Variants in ANKAR observed in about 807,000 individuals in gnomAD.
The protein encoded by ANKAR is ankyrin and armadillo repeat containing.
A neutral mutation model predicts 146.2 loss-of-function variants in ANKAR; 136 were observed. That is an observed-to-expected ratio of 0.93 (90% CI 0.81 to 1.07). ANKAR has a LOEUF of 1.07. Among genes scored for constraint, ANKAR ranks in the 50% least tolerant of loss-of-function variants. The probability of loss-of-function intolerance (pLI) is 0.00; values close to 1 mark genes in which losing one functional copy is unlikely to be tolerated. For missense variants in ANKAR, 1,567 were observed against 1,679.9 expected, an observed-to-expected ratio of 0.93 and a Z score of 1.18; for synonymous variants, 500 against 575.8, an observed-to-expected ratio of 0.87 and a Z score of 1.88.
intron 20 of ANKAR, among the ~76,000 whole-genome samples, chr2:189,742,189 AG>A (rs1295637342): frequency 6.6e-6 from 1 of 152,166 alleles, no homozygotes; most frequent in African/African-American, 2.4e-5. Flanking sequence ...CCATTCCTAG[AG>A]TTTCTGAGCC....
chr2:189,678,775 T>C (rs1490438785), intron 2 of ANKAR, among the ~76,000 whole-genome samples: 4 of 152,228 alleles, frequency 2.6e-5, no homozygotes, highest in Non-Finnish European at 4.4e-5. Flanking sequence ...TTCTGTTCCA[T>C]TGGTCTCTGT....
In ANKAR at chr2:189,728,820, T is replaced by C; in HGVS notation, c.3192T>C (p.Ile1064=). Residue 1064 remains isoleucine (I), a splice_region_variant and synonymous_variant, in exon 15 of 23, where the codon ATT becomes ATC. Transcript: ENST00000684021. ...SVIRAVGSIC[I]GVAHTSNPVS... ...TCAGAGCAGTGGGATCCATTTGTAT[T>C]GGTTTGTATACTTATTCTCAATTTC... is the stretch of plus-strand genomic sequence containing the variant. 1 of 1,611,822 alleles carries C rather than the reference T, an allele frequency of 6.2e-7. No homozygotes were observed. Among genetic ancestry groups the C allele is most frequent in the Non-Finnish European group, 8.5e-7 (1 of 1,178,790 alleles).
At position 189,724,304 on chromosome 2, in the gene ANKAR, A is replaced by C. The variant is rs74452848; in HGVS notation, c.2635+3517A>C. Among the ~76,000 whole-genome samples, 401 of 152,294 alleles carry C rather than the reference A, an allele frequency of 2.6e-3. 1 individual carries two copies. Among genetic ancestry groups the C allele is most frequent in the African/African-American group, 9.1e-3 (378 of 41,580 alleles). ...ATCTAACTAAAATGTAAAGTTGATC[A>C]TATCTTCTTCTTTAAATTATTCAGT... On this transcript the variant is annotated intron_variant, in intron 12 of 22. Coordinates refer to ENST00000684021, the MANE Select transcript of ANKAR (RefSeq NM_001378068.1).
At chr2:189,734,307 C>T (rs1324638696) in intron 17 of ANKAR, among the ~76,000 whole-genome samples, 1 of 152,146 alleles carries the variant, frequency 6.6e-6, no homozygotes, top group South Asian at 2.1e-4. Context: ...ATCTTAGCAT[C>T]CATTGATGCA....
chr2:189,762,375 T>C (rs1176677913), downstream of ANKAR, among the ~76,000 whole-genome samples: 1 of 152,178 alleles, frequency 6.6e-6, no homozygotes, highest in Non-Finnish European at 1.5e-5. Flanking sequence ...AGGGCCTTTC[T>C]CCACCACACT....
At chr2:189,751,487 C>A (rs2439185), downstream of ANKAR, among the ~76,000 whole-genome samples, 6 of 146,980 alleles carry the variant, frequency 4.1e-5, no homozygotes, top group African/African-American at 1.3e-4. Context: ...CTCTGTCACC[C>A]GGGCTGGAGT....
intron 2 of ANKAR, among the ~76,000 whole-genome samples, chr2:189,684,307 C>A (rs1017368021): frequency 6.6e-6 from 1 of 151,990 alleles, no homozygotes; most frequent in Non-Finnish European, 1.5e-5. Context: ...TATTGCTACT[C>A]ATTTTTTGAG....
chr2:189,678,153 A>G (rs1574317457), intron 2 of ANKAR, among the ~76,000 whole-genome samples: 1 of 152,182 alleles, frequency 6.6e-6, no homozygotes, highest in East Asian at 1.9e-4. Context: ...GTAAGATGGT[A>G]TCTCAGTGTG....
chr2:189,745,767 A>G (rs978602221), intron 22 of ANKAR, among the ~76,000 whole-genome samples: 12 of 152,216 alleles, frequency 7.9e-5, no homozygotes, highest in Non-Finnish European at 1.2e-4. Flanking sequence ...AAAAGACAGT[A>G]AAAGGAGAGG....
chr2:189,761,905 G>C (rs2047119874), downstream of ANKAR, among the ~76,000 whole-genome samples: 1 of 152,078 alleles, frequency 6.6e-6, no homozygotes, highest in Non-Finnish European at 1.5e-5. Context: ...CCTACCAAAA[G>C]ACTTACTATT....
At chr2:189,685,524 CCCTGGCCCAGTAATT>C (rs1247011758) in intron 2 of ANKAR, among the ~76,000 whole-genome samples, 1 of 152,144 alleles carries the variant, frequency 6.6e-6, no homozygotes, top group African/African-American at 2.4e-5. Flanking sequence ...CCCTCCCTGC[CCCTGGCCCAGTAATT>C]CCAGTGCTTC....
rs372596746 is a variant in ANKAR at position 189,693,395 on chromosome 2, T to C, written c.1307+218T>C. On this transcript the variant is annotated intron_variant, in intron 5 of 22. Coordinates refer to ENST00000684021, the MANE Select transcript of ANKAR (RefSeq NM_001378068.1). ...AGTCTGTGTAACAATCCTTAGAGCT[T>C]GTAATTAGTTCTTATAATTAACAGA... Among the ~76,000 whole-genome samples, 19 of 152,350 alleles carry C rather than the reference T, an allele frequency of 1.2e-4. No individual in the cohort carries two copies. The East Asian group carries it at 1.3e-3, about 11-fold the overall frequency.
chr2:189,759,338 T>C (rs2046618468), intron 18 of ANKAR, among the ~76,000 whole-genome samples: 1 of 151,508 alleles, frequency 6.6e-6, no homozygotes, highest in African/African-American at 2.4e-5. Context: ...AAGCTCCGCC[T>C]CCCGGGTTCA....
chr2:189,688,950 T>C (rs1403042422), intron 2 of ANKAR, among the ~76,000 whole-genome samples: 1 of 152,012 alleles, frequency 6.6e-6, no homozygotes, highest in African/African-American at 2.4e-5. Context: ...TAGTTAGGCG[T>C]AGGGGACAGG....
At chr2:189,740,536 C>T (rs987878127) in intron 19 of ANKAR, among the ~76,000 whole-genome samples, 5 of 152,294 alleles carry the variant, frequency 3.3e-5, no homozygotes, top group East Asian at 1.9e-4. Flanking sequence ...GCTAGCTGCA[C>T]ATTTAATTAT....
Position 189,676,511 on chromosome 2 carries a change from A to G in ANKAR, c.21A>G (p.Lys7=). 1 of 1,554,606 alleles carries G rather than the reference A, an allele frequency of 6.4e-7. No homozygotes were observed. The highest frequency in any genetic ancestry group is 1.1e-5 in the South Asian group (1 of 86,968). MLRLPK[K]GLPRFEQVQD... is the part of the protein sequence containing the mutation. Reference sequence around the variant, plus strand: ...TAGAAATGTTAAGATTGCCCAAAAAAGGATTACCTAGATTTGAGCAAGTTC... The same window carrying G: ...TAGAAATGTTAAGATTGCCCAAAAAGGGATTACCTAGATTTGAGCAAGTTC... The change falls in exon 2 of 23, where the codon AAA becomes AAG. Residue 7 remains lysine, a synonymous_variant. Transcript: ENST00000684021.
chr2:189,708,604 T>C (rs1364991477), intron 9 of ANKAR, among the ~76,000 whole-genome samples: 1 of 152,206 alleles, frequency 6.6e-6, no homozygotes, highest in African/African-American at 2.4e-5. Flanking sequence ...ATGTAGTTAT[T>C]CCAAGCACAT....
At chr2:189,728,902 T>G in intron 15 of ANKAR, 81 bp downstream of exon 15, 14 of 1,337,144 alleles carry the variant, frequency 1.0e-5, no homozygotes, top group Non-Finnish European at 1.4e-5. Context: ...TTAATCTCTC[T>G]TCCTCTCTAT....
downstream of ANKAR, among the ~76,000 whole-genome samples, chr2:189,761,906 A>G (rs767455020): frequency 2.0e-5 from 3 of 152,158 alleles, no homozygotes; most frequent in African/African-American, 7.2e-5. Context: ...CTACCAAAAG[A>G]CTTACTATTA....
Sources: gnomAD v4.1 joint callset for allele counts (sites outside exome capture counted in the v4.1 genomes callset) on GRCh38, gnomAD v4.1.1 for gene constraint, MANE v1.5 for transcripts, NCBI Gene and HGNC (gene_info 2026-07-23, HGNC 2026-07-21) for gene names.